The following FGD4 variants were observed in gnomAD, a reference collection of about 807,000 sequenced individuals.
FGD4 encodes the protein FYVE, RhoGEF and PH domain-containing protein 4.
FGD4 carries 42 observed loss-of-function variants against 102.0 expected under a neutral mutation model. The ratio of observed to expected loss-of-function variants is 0.41; its 90% CI spans 0.32 to 0.53. FGD4 has a LOEUF of 0.53. FGD4 is among the 20% of genes least tolerant of loss of function. The pLI is 0.21. For synonymous variants in FGD4, 380 were observed against 375.7 expected (o/e 1.01, Z -0.13); for missense variants, 902 against 1,078.2 (o/e 0.84, Z 2.29).
intron 1 of FGD4, among the ~76,000 whole-genome samples, chr12:32,456,317 G>A (rs1316415898): frequency 1.3e-5 from 2 of 152,126 alleles, no homozygotes; most frequent in African/African-American, 4.8e-5. Flanking sequence ...GGCTGCAGGG[G>A]AACAGAGACT....
chr12:32,416,153 C>T (rs1258839574), intron 1 of FGD4, among the ~76,000 whole-genome samples: 3 of 152,168 alleles, frequency 2.0e-5, no homozygotes, highest in African/African-American at 7.2e-5. Flanking sequence ...GTGTATGCCA[C>T]CATGCCCAGC....
intron 1 of FGD4, among the ~76,000 whole-genome samples, chr12:32,487,933 A>C (rs1341971578): frequency 6.6e-6 from 1 of 152,224 alleles, no homozygotes; most frequent in South Asian, 2.1e-4. Flanking sequence ...AAGCCATAGA[A>C]CTTATTCAGA....
At chr12:32,607,878 A>T in intron 7 of FGD4, 79 bp from the exon 8 acceptor site, 1 of 1,548,620 alleles carries the variant, frequency 6.5e-7, no homozygotes, top group South Asian at 1.1e-5. Context: ...GCCCTTGACG[A>T]AAGTTCTGTT....
At position 32,624,457 on chromosome 12, in the gene FGD4, G is replaced by A. The variant is rs772027409; in HGVS notation, c.1953+5G>A. ...GACAAAGAAGAATGGATCAAGGTAAGCCTCATTTCTGTTTCCTTTTCTTTC... is the reference window on the plus strand; with the variant it reads ...GACAAAGAAGAATGGATCAAGGTAAACCTCATTTCTGTTTCCTTTTCTTTC... On this transcript the variant is annotated splice_donor_5th_base_variant and intron_variant, in intron 12 of 16. Transcript: ENST00000534526. The A allele has an allele frequency of 1.3e-6, 2 of 1,598,724 alleles. No homozygotes were observed. The highest frequency in any genetic ancestry group is 1.1e-5 in the South Asian group (1 of 89,044).
chr12:32,565,762 G>A (rs542333897), intron 2 of FGD4, among the ~76,000 whole-genome samples: 1 of 152,128 alleles, frequency 6.6e-6, no homozygotes, highest in Non-Finnish European at 1.5e-5. Context: ...TTATATTAAA[G>A]CCACGATATA....
chr12:32,555,792 G>T (rs147622087), intron 1 of FGD4, among the ~76,000 whole-genome samples: 2 of 151,498 alleles, frequency 1.3e-5, no homozygotes, highest in African/African-American at 4.9e-5. Context: ...GGATGGTCTC[G>T]ATCTCCTGAC....
chr12:32,430,240 G>A (rs995422118), intron 1 of FGD4, among the ~76,000 whole-genome samples: 3 of 152,014 alleles, frequency 2.0e-5, no homozygotes, highest in East Asian at 1.9e-4. Context: ...CCTGGGAGGG[G>A]CAGGTTGCAG....
At chr12:32,532,969 T>C (rs886959824) in intron 1 of FGD4, among the ~76,000 whole-genome samples, 2 of 152,190 alleles carry the variant, frequency 1.3e-5, no homozygotes, top group Non-Finnish European at 2.9e-5. Flanking sequence ...TGTGTCCTGA[T>C]GGGGAGCTTG....
intron 1 of FGD4, among the ~76,000 whole-genome samples, chr12:32,451,160 T>C (rs1942764278): frequency 1.3e-5 from 2 of 152,266 alleles, no homozygotes; most frequent in South Asian, 4.1e-4. Context: ...ATTTTTTTGG[T>C]CAGTCCTTCT....
intron 1 of FGD4, among the ~76,000 whole-genome samples, chr12:32,503,068 G>A (rs1938366995): frequency 6.6e-6 from 1 of 152,220 alleles, no homozygotes; most frequent in African/African-American, 2.4e-5. Context: ...GTGGCTAAGA[G>A]GTTGGTAGCT....
At chr12:32,629,578 C>T (rs1224186070) in intron 14 of FGD4, among the ~76,000 whole-genome samples, 1 of 152,086 alleles carries the variant, frequency 6.6e-6, no homozygotes, top group Non-Finnish European at 1.5e-5. Flanking sequence ...GGATTCAATT[C>T]AGATATATAT....
chr12:32,531,673 C>T (rs1941832871), intron 1 of FGD4, among the ~76,000 whole-genome samples: 1 of 152,184 alleles, frequency 6.6e-6, no homozygotes, highest in South Asian at 2.1e-4. Flanking sequence ...CCATTCACTA[C>T]TTGAAGAACA....
At position 32,622,887 on chromosome 12, in the gene FGD4, C is replaced by A. The variant is rs374513269; in HGVS notation, c.1923-1535C>A. Reference sequence around the variant, plus strand: ...GGATTACAGGCCTAAGCCACTGCACCCAGCCTATCATGCTCTTTTAAGAAT... The same window carrying A: ...GGATTACAGGCCTAAGCCACTGCACACAGCCTATCATGCTCTTTTAAGAAT... On this transcript the variant is annotated intron_variant, in intron 11 of 16. Transcript: ENST00000534526. Among the ~76,000 whole-genome samples, 11 of 152,274 alleles carry A rather than the reference C, an allele frequency of 7.2e-5. 2 individuals carry two copies. Among genetic ancestry groups the A allele is most frequent in the Admixed American group, 1.3e-4 (2 of 15,290 alleles).
intron 2 of FGD4, among the ~76,000 whole-genome samples, chr12:32,565,959 C>T (rs1340167433): frequency 1.3e-5 from 2 of 152,128 alleles, no homozygotes; most frequent in African/African-American, 2.4e-5. Flanking sequence ...TTAACCTCAC[C>T]TTTCACCCTG....
intron 1 of FGD4, among the ~76,000 whole-genome samples, chr12:32,550,095 T>C (rs574042676): frequency 4.9e-4 from 74 of 152,332 alleles, no homozygotes; most frequent in Non-Finnish European, 1.0e-3. Flanking sequence ...CATGGTTCTT[T>C]TCCCATTAGC....
chr12:32,505,597 A>G (rs537279728), intron 1 of FGD4, among the ~76,000 whole-genome samples: 2 of 152,348 alleles, frequency 1.3e-5, no homozygotes, highest in East Asian at 3.9e-4. Flanking sequence ...CCATTTCTGT[A>G]TGGACTTAAC....
At position 32,642,883 on chromosome 12, in the gene FGD4, A is replaced by G. The variant is rs534882007; in HGVS notation, c.*2350A>G. 2.6e-5 allele frequency: 4 copies of G among 152,604 alleles called. No individual in the cohort carries two copies. In the South Asian group the frequency reaches 8.3e-4, roughly 32 times the overall value. The allele number at this position is 152,604 out of a possible 1,614,324, so 9.5% of individuals were successfully genotyped here. The stretch of plus-strand genomic sequence containing the variant: ...TAGCCATTTATTAAACAATTCAACC[A>G]AGAGACCTCAAAGTGTGATTGATGA... On this transcript the variant is annotated 3_prime_UTR_variant, in exon 17 of 17. Transcript: ENST00000534526.
At chr12:32,530,320 T>TA (rs1179974323) in intron 1 of FGD4, among the ~76,000 whole-genome samples, 3 of 152,002 alleles carry the variant, frequency 2.0e-5, no homozygotes, top group South Asian at 2.1e-4. Flanking sequence ...CTGTCTCTAC[T>TA]AAAAAAACGA....
chr12:32,435,931 A>G, intron 1 of FGD4, among the ~76,000 whole-genome samples: 1 of 152,248 alleles, frequency 6.6e-6, no homozygotes, highest in Non-Finnish European at 1.5e-5. Context: ...TTCAAAGAAT[A>G]AATACTCTGA....
Sources: allele counts gnomAD v4.1 joint callset (sites outside exome capture counted in the v4.1 genomes callset), GRCh38; gene constraint gnomAD v4.1.1; transcripts MANE v1.5; gene names NCBI Gene and HGNC (gene_info 2026-07-23, HGNC 2026-07-21).